Variants in TMC3 observed in about 807,000 individuals in gnomAD.
TMC3 encodes transmembrane channel like 3, also known as transmembrane channel-like protein 3.
A neutral mutation model predicts 110.6 loss-of-function variants in TMC3; 98 were observed. The observed-to-expected ratio is 0.89, with a 90% CI of 0.75 to 1.05. The LOEUF is 1.05. Ranked by LOEUF, TMC3 falls within the 50% of genes least tolerant of loss-of-function variation. The probability of loss-of-function intolerance (pLI) is 0.00; values close to 1 mark genes in which losing one functional copy is unlikely to be tolerated. For synonymous variants in TMC3, 489 were observed against 513.1 expected (o/e 0.95, Z 0.63); for missense variants, 1,319 against 1,373.2 (o/e 0.96, Z 0.62).
Position 81,358,217 on chromosome 15 carries a change from C to T in TMC3, c.675G>A (p.Arg225=), listed in dbSNP as rs375213414. ...RERKIGRAGY[R]LPLAYFLVGM... ...CCACTAGGAAATACGCCAAGGGCAG[C>T]CGGTAGCCAGCTCTCCCGATCTTCC... The change falls in exon 7 of 22, where the codon CGG becomes CGA. Residue 225 remains arginine (R), a synonymous_variant. Transcript: ENST00000359440. 6.2e-7 allele frequency: 1 copy of T among 1,613,292 alleles called. No homozygotes were observed. The highest frequency in any genetic ancestry group is 1.3e-5 in the African/African-American group (1 of 74,920).
chr15:81,343,197 G>C (rs184958965), intron 15 of TMC3, 81 bp downstream of exon 15: 1 of 805,504 alleles, frequency 1.2e-6, no homozygotes, highest in East Asian at 2.4e-5. Flanking sequence ...TGTTATGGTC[G>C]TGTCCCATCT....
chr15:81,355,919 A>G (rs1345126408), intron 8 of TMC3, among the ~76,000 whole-genome samples, 151 bp from the exon 9 acceptor site: 2 of 151,080 alleles, frequency 1.3e-5, no homozygotes, highest in East Asian at 3.9e-4. Context: ...TTAGATATCA[A>G]TAATCTAATC....
At chr15:81,348,271 T>G (rs942042706) in intron 11 of TMC3, among the ~76,000 whole-genome samples, 2 of 152,204 alleles carry the variant, frequency 1.3e-5, no homozygotes, top group African/African-American at 4.8e-5. Flanking sequence ...TTCTGTAGAA[T>G]GTTATTAGGT....
chr15:81,335,387 A>G (rs61112061), intron 20 of TMC3, among the ~76,000 whole-genome samples: 15,967 of 152,278 alleles, frequency 0.1, 1,028 homozygotes, highest in Non-Finnish European at 0.15. Context: ...ACACTGGACA[A>G]TGCTATTGTT....
In TMC3 at chr15:81,373,994, C is replaced by T. The variant is rs1894494391; in HGVS notation, c.84G>A (p.Leu28=). The T allele has an allele frequency of 6.2e-7, 1 of 1,613,376 alleles. No homozygotes were observed. Among genetic ancestry groups the T allele is most frequent in the Admixed American group, 1.7e-5 (1 of 59,958 alleles). ...GATGAATGGGGCCAGCTCACCTGAG[C>T]AGCAGAGATTCCTGGTAGAGGTAGC... The part of the protein sequence containing the change: ...SQCYLYQESL[L]LSNLDDSFSA... The change falls in exon 1 of 22, where the codon CTG becomes CTA. Residue 28 remains leucine (L), a synonymous_variant. Coordinates refer to ENST00000359440, the MANE Select transcript of TMC3 (RefSeq NM_001080532.3).
intron 7 of TMC3, among the ~76,000 whole-genome samples, chr15:81,357,608 C>T (rs560644425): frequency 2.6e-5 from 4 of 152,276 alleles, no homozygotes; most frequent in East Asian, 1.9e-4. Flanking sequence ...CACCAGATTG[C>T]GTCTTTTGCA....
Position 81,373,775 on chromosome 15 carries a change from C to T in TMC3, c.89+214G>A, listed in dbSNP as rs145706735. Among the ~76,000 whole-genome samples, 306 of 152,294 alleles carry T rather than the reference C, an allele frequency of 2.0e-3. 12 individuals carry two copies. The East Asian group carries it at 0.049, about 25-fold the overall frequency. ...ATGCAAGCTTTTGGATTCTGACCTC[C>T]TGGTCAAGAAGCAGCCAGAAGAACC... On this transcript the variant is annotated intron_variant, in intron 1 of 21. Transcript: ENST00000359440.
chr15:81,341,501 G>T lies in TMC3; in HGVS notation c.1733C>A (p.Ser578Tyr). The T allele has an allele frequency of 6.2e-7, 1 of 1,610,658 alleles. No individual in the cohort carries two copies. The change falls in exon 16 of 22, where the codon TCC (serine) becomes TAC (tyrosine). Residue 578 changes from serine (S) to tyrosine (Y), a missense_variant. Transcript: ENST00000359440. ...QGMIWMGAFF[S>Y]PCLPAFNVLK... ...AACGTTGAACGCTGGGAGACATGGG[G>T]AGAAGAAGGCCCCCATCCTGGAACC...
At chr15:81,365,922 G>A (rs1481009906) in intron 3 of TMC3, among the ~76,000 whole-genome samples, 1 of 152,016 alleles carries the variant, frequency 6.6e-6, no homozygotes, top group Non-Finnish European at 1.5e-5. Context: ...CTATCAACAT[G>A]TCAACATGAA....
At chr15:81,352,687 C>T (rs1291194416) in intron 9 of TMC3, among the ~76,000 whole-genome samples, 1 of 152,188 alleles carries the variant, frequency 6.6e-6, no homozygotes, top group African/African-American at 2.4e-5. Flanking sequence ...GAGATGACAC[C>T]TCCGTGCGTG....
At chr15:81,339,297 T>G (rs1893662672) in intron 17 of TMC3, 97 bp downstream of exon 17, 2 of 947,986 alleles carry the variant, frequency 2.1e-6, no homozygotes, top group Non-Finnish European at 3.3e-6. Context: ...CTATCCTGTT[T>G]ACCTGCTCTG....
At chr15:81,338,575 A>G (rs1893645745) in intron 18 of TMC3, 80 bp downstream of exon 18, 2 of 1,562,326 alleles carry the variant, frequency 1.3e-6, no homozygotes, top group Admixed American at 1.9e-5. Flanking sequence ...AATAAATTTT[A>G]TGTAATTATT....
At chr15:81,353,254 TCAAA>T (rs147747152) in intron 9 of TMC3, among the ~76,000 whole-genome samples, 7,930 of 151,618 alleles carry the variant, frequency 0.052, 234 homozygotes, top group East Asian at 0.15. Context: ...ATTACAAGAG[TCAAA>T]CAGTTTTTTA....
intron 13 of TMC3, among the ~76,000 whole-genome samples, chr15:81,344,380 GT>G (rs1893779895): frequency 6.6e-6 from 1 of 152,194 alleles, no homozygotes. Flanking sequence ...ATACCTTGGG[GT>G]TGAGGTTCTC....
intron 15 of TMC3, 191 bp from the exon 16 acceptor site, chr15:81,341,709 G>T: frequency 2.2e-6 from 1 of 450,730 alleles, no homozygotes. Context: ...GTCACTGAAG[G>T]TGGGTATTGA....
intron 14 of TMC3, 97 bp from the exon 15 acceptor site, chr15:81,343,442 T>C: frequency 1.2e-6 from 1 of 801,336 alleles, no homozygotes; most frequent in Non-Finnish European, 2.2e-6. Flanking sequence ...TTTGCTCTTA[T>C]GAACACTTAG....
chr15:81,334,623 G>A (rs1893549045), intron 21 of TMC3, 97 bp downstream of exon 21: 4 of 1,454,050 alleles, frequency 2.8e-6, no homozygotes, highest in African/African-American at 2.8e-5. Context: ...TGCCTTCTGG[G>A]AGAATTAGAA....
chr15:81,367,137 G>A (rs1036378536), intron 3 of TMC3, among the ~76,000 whole-genome samples: 1 of 152,080 alleles, frequency 6.6e-6, no homozygotes. Flanking sequence ...TATGTGCAAA[G>A]ATGTTCTTCG....
At position 81,355,845 on chromosome 15, in the gene TMC3, T is replaced by C. The variant is rs139073059; in HGVS notation, c.892-77A>G. The C allele has an allele frequency of 2.5e-4, 244 of 968,994 alleles. 1 individual carries two copies. In the African/African-American group the frequency reaches 3.6e-3, roughly 14 times the overall value. 60.0% of individuals were successfully genotyped at this position (968,994 alleles called of 1,614,324 possible). Reference sequence around the variant, plus strand: ...AAATCATTAGAAATAATTTACCCAGTAATTTAGCTCATACCTTCATTGTCT... The same window carrying C: ...AAATCATTAGAAATAATTTACCCAGCAATTTAGCTCATACCTTCATTGTCT... On this transcript the variant is annotated intron_variant, in intron 8 of 21. Transcript: ENST00000359440.
Sources: gnomAD v4.1 joint callset for allele counts (sites outside exome capture counted in the v4.1 genomes callset) on GRCh38, gnomAD v4.1.1 for gene constraint, MANE v1.5 for transcripts, NCBI Gene and HGNC (gene_info 2026-07-23, HGNC 2026-07-21) for gene names.